The following SCAPER variants were observed in gnomAD, a reference collection of about 807,000 sequenced individuals.
SCAPER encodes S-phase cyclin A associated protein in the ER, also known as S phase cyclin A-associated protein in the endoplasmic reticulum.
Under a neutral mutation model 182.2 loss-of-function variants are expected in SCAPER, and 98 were observed. That is an observed-to-expected ratio of 0.54 (90% CI 0.46 to 0.64). The LOEUF is 0.64. Among genes scored for constraint, SCAPER ranks in the 30% least tolerant of loss-of-function variants. The pLI, the probability that SCAPER is intolerant of heterozygous loss-of-function variation, is 0.00. For missense variants in SCAPER, 1,432 were observed against 1,690.0 expected, an observed-to-expected ratio of 0.85 and a Z score of 2.68; for synonymous variants, 605 against 564.6, an observed-to-expected ratio of 1.07 and a Z score of -1.01.
At chr15:76,646,951 G>A (rs1290288853) in intron 21 of SCAPER, among the ~76,000 whole-genome samples, 2 of 152,058 alleles carry the variant, frequency 1.3e-5, no homozygotes, top group Non-Finnish European at 2.9e-5. Flanking sequence ...TGAAACCTGG[G>A]GCAGACCATC....
chr15:76,645,738 A>G (rs778469503), intron 21 of SCAPER, among the ~76,000 whole-genome samples: 22 of 152,196 alleles, frequency 1.4e-4, no homozygotes, highest in Non-Finnish European at 2.5e-4. Flanking sequence ...GTAAATGAGA[A>G]GGTTAGAAAT....
intron 29 of SCAPER, among the ~76,000 whole-genome samples, chr15:76,355,029 C>A (rs2040860304): frequency 6.6e-6 from 1 of 152,206 alleles, no homozygotes. Context: ...AAGGTCAGAA[C>A]TGTAAATTGT....
intron 20 of SCAPER, among the ~76,000 whole-genome samples, chr15:76,693,851 G>A (rs1015412756): frequency 6.6e-6 from 1 of 151,644 alleles, no homozygotes; most frequent in Admixed American, 6.6e-5. Flanking sequence ...GAAAGTTAAT[G>A]TTTAATAGGC....
chr15:76,467,189 T>C (rs2049743572), intron 25 of SCAPER, among the ~76,000 whole-genome samples: 1 of 152,220 alleles, frequency 6.6e-6, no homozygotes, highest in Admixed American at 6.5e-5. Context: ...CCTCTTTCTT[T>C]ATAAATTACC....
At chr15:76,568,702 G>A (rs912225311) in intron 23 of SCAPER, among the ~76,000 whole-genome samples, 5 of 151,908 alleles carry the variant, frequency 3.3e-5, no homozygotes, top group African/African-American at 4.8e-5. Context: ...TAGAATCTGC[G>A]CCTACATATT....
intron 8 of SCAPER, among the ~76,000 whole-genome samples, chr15:76,793,665 C>T (rs1425989523): frequency 2.0e-5 from 3 of 152,218 alleles, no homozygotes; most frequent in African/African-American, 7.2e-5. Flanking sequence ...CCCTAGGCAT[C>T]TCTTCATCTG....
intron 6 of SCAPER, among the ~76,000 whole-genome samples, chr15:76,801,040 A>G (rs1190461549): frequency 1.3e-5 from 2 of 152,110 alleles, no homozygotes; most frequent in Non-Finnish European, 2.9e-5. Context: ...CCAACTGTTG[A>G]TATCTGTTTT....
chr15:76,579,793 A>C (rs1361536990), intron 22 of SCAPER, among the ~76,000 whole-genome samples: 1 of 152,160 alleles, frequency 6.6e-6, no homozygotes, highest in African/African-American at 2.4e-5. Context: ...TTTCTCCTAT[A>C]AAGACACACA....
chr15:76,351,858 C>A (rs937734), intron 30 of SCAPER, among the ~76,000 whole-genome samples: 147,937 of 152,300 alleles, frequency 0.97, 71,988 homozygotes, highest in South Asian at 1. Context: ...TATAGAAAAA[C>A]ACTTGATTTA....
chr15:76,546,536 AC>A (rs550570155), intron 23 of SCAPER, among the ~76,000 whole-genome samples: 55 of 152,104 alleles, frequency 3.6e-4, no homozygotes, highest in Non-Finnish European at 6.5e-4. Context: ...TAGGATTAAT[AC>A]CCCTGCCCCC....
chr15:76,834,609 T>G (rs980329139), intron 5 of SCAPER, among the ~76,000 whole-genome samples: 1 of 151,968 alleles, frequency 6.6e-6, no homozygotes. Context: ...AAAATATCAA[T>G]GAAGAAAAGT....
chr15:76,605,674 GC>G (rs776391756), intron 22 of SCAPER, among the ~76,000 whole-genome samples: 5 of 152,112 alleles, frequency 3.3e-5, no homozygotes, highest in Admixed American at 1.3e-4. Flanking sequence ...TGGTTGGTAA[GC>G]TATTAATTAT....
chr15:76,535,536 A>AG (rs1229013528), intron 23 of SCAPER, among the ~76,000 whole-genome samples: 3 of 151,240 alleles, frequency 2.0e-5, no homozygotes, highest in Non-Finnish European at 4.4e-5. Context: ...AAAAAAAAAA[A>AG]AAAAAAAAAA....
chr15:76,512,864 AG>A (rs66499175), intron 23 of SCAPER, among the ~76,000 whole-genome samples: 100,493 of 130,448 alleles, frequency 0.77, 37,986 homozygotes, highest in East Asian at 0.86. Flanking sequence ...CAGCTTTTCC[AG>A]AAAAAAAAAA....
chr15:76,418,551 G>C (rs1248397735), intron 26 of SCAPER, among the ~76,000 whole-genome samples: 3 of 152,228 alleles, frequency 2.0e-5, no homozygotes, highest in Non-Finnish European at 4.4e-5. Context: ...CCCACTGGTA[G>C]ACTATGTCCT....
chr15:76,696,028 A>C (rs981734376), intron 20 of SCAPER, among the ~76,000 whole-genome samples: 3 of 152,240 alleles, frequency 2.0e-5, no homozygotes, highest in Admixed American at 1.3e-4. Context: ...TGTTCATTTG[A>C]CTTGATTTCC....
intron 27 of SCAPER, among the ~76,000 whole-genome samples, chr15:76,382,365 TA>T (rs1487097400): frequency 3.4e-5 from 4 of 117,690 alleles, no homozygotes; most frequent in East Asian, 3.0e-4. Flanking sequence ...TTTTTTCTTT[TA>T]TTTTTTTTTT....
intron 22 of SCAPER, among the ~76,000 whole-genome samples, chr15:76,610,695 C>G (rs2050899279): frequency 6.6e-6 from 1 of 151,804 alleles, no homozygotes; most frequent in African/African-American, 2.4e-5. Flanking sequence ...ACAAGAAAAA[C>G]AAAAAATTAC....
At chr15:76,409,933 G>A (rs1234922219) in intron 26 of SCAPER, among the ~76,000 whole-genome samples, 2 of 151,258 alleles carry the variant, frequency 1.3e-5, no homozygotes, top group Non-Finnish European at 2.9e-5. Context: ...GACTACAGGT[G>A]CATGCCATCA....
Sources: gnomAD v4.1 joint callset for allele counts (sites outside exome capture counted in the v4.1 genomes callset) on GRCh38, gnomAD v4.1.1 for gene constraint, MANE v1.5 for transcripts, NCBI Gene and HGNC (gene_info 2026-07-23, HGNC 2026-07-21) for gene names.